The following DOCK9 variants were observed in gnomAD, a reference collection of about 807,000 sequenced individuals.
The protein encoded by DOCK9 is dedicator of cytokinesis 9.
In DOCK9, 89 loss-of-function variants were observed where a neutral mutation model predicts 263.3. The observed-to-expected ratio is 0.34, with a 90% CI of 0.28 to 0.40. The LOEUF is 0.40. Ranked by LOEUF, DOCK9 falls within the 10% of genes least tolerant of loss-of-function variation. The probability of loss-of-function intolerance (pLI) is 1.00; values close to 1 mark genes in which losing one functional copy is unlikely to be tolerated. For missense variants in DOCK9, 2,140 were observed against 2,603.4 expected (o/e 0.82, Z 3.87); for synonymous variants, 976 against 973.1 (o/e 1.00, Z -0.06).
At chr13:99,050,427 G>A (rs2040634568) in intron 1 of DOCK9, among the ~76,000 whole-genome samples, 1 of 152,220 alleles carries the variant, frequency 6.6e-6, no homozygotes. Context: ...GGGCGCAGTG[G>A]CTCATGCCTG....
At chr13:98,975,659 C>G (rs372964489) in intron 1 of DOCK9, among the ~76,000 whole-genome samples, 1 of 152,166 alleles carries the variant, frequency 6.6e-6, no homozygotes, top group South Asian at 2.1e-4. Flanking sequence ...CTATACTACA[C>G]GCATTAATTA....
At chr13:99,049,321 T>C (rs1331226956) in intron 1 of DOCK9, among the ~76,000 whole-genome samples, 2 of 152,206 alleles carry the variant, frequency 1.3e-5, no homozygotes, top group Admixed American at 6.5e-5. Flanking sequence ...AGGCTGCTCC[T>C]TGGACAGGGG....
intron 1 of DOCK9, among the ~76,000 whole-genome samples, chr13:98,987,611 C>CT (rs1173917569): frequency 1.3e-5 from 2 of 152,226 alleles, no homozygotes; most frequent in Non-Finnish European, 2.9e-5. Context: ...GAAGTCAATA[C>CT]TTTTTTATTA....
intron 27 of DOCK9, among the ~76,000 whole-genome samples, chr13:98,876,341 A>G (rs1477961548): frequency 6.6e-6 from 1 of 152,148 alleles, no homozygotes; most frequent in Non-Finnish European, 1.5e-5. Context: ...AAAATATAAA[A>G]TTAGCTGGGC....
intron 7 of DOCK9, among the ~76,000 whole-genome samples, chr13:98,919,475 A>C (rs891305820): frequency 7.2e-5 from 11 of 152,240 alleles, no homozygotes; most frequent in African/African-American, 2.2e-4. Context: ...ATATGTAACA[A>C]GTATACCTTT....
Position 99,029,973 on chromosome 13 carries a change from G to A in DOCK9, c.129+56250C>T, listed in dbSNP as rs1317509512. On this transcript the variant is annotated intron_variant, in intron 1 of 32. Transcript: ENST00000427887. ...CTATTTGGCAATAAAAAGGAATGAA[G>A]TACTGATACATGCTACAAGCACAGA... Among the ~76,000 whole-genome samples, 9 of 152,334 alleles carry A rather than the reference G, an allele frequency of 5.9e-5. No individual in the cohort carries two copies. The East Asian group carries it at 1.5e-3, about 26-fold the overall frequency.
chr13:98,937,313 G>A (rs1397349708), intron 2 of DOCK9, among the ~76,000 whole-genome samples: 1 of 151,886 alleles, frequency 6.6e-6, no homozygotes, highest in Non-Finnish European at 1.5e-5. Flanking sequence ...AATCTTCACA[G>A]CACAAACATA....
intron 35 of DOCK9, among the ~76,000 whole-genome samples, chr13:98,851,292 C>T (rs148769932): frequency 2.6e-5 from 4 of 152,304 alleles, no homozygotes; most frequent in African/African-American, 7.2e-5. Context: ...TTCTAAAGGC[C>T]GCTTGGCCTA....
chr13:99,025,258 CTAT>C (rs1886577349), intron 1 of DOCK9: 3 of 152,278 alleles, frequency 2.0e-5, no homozygotes, highest in African/African-American at 7.2e-5. Context: ...ACCACATATA[CTAT>C]TATAAAATTG....
At chr13:98,939,912 T>C (rs2055535893) in intron 2 of DOCK9, among the ~76,000 whole-genome samples, 1 of 152,252 alleles carries the variant, frequency 6.6e-6, no homozygotes, top group African/African-American at 2.4e-5. Flanking sequence ...TATGTCCCTT[T>C]GATATCTGCT....
At chr13:98,890,051 T>C (rs1319383991) in intron 15 of DOCK9, among the ~76,000 whole-genome samples, 1 of 152,244 alleles carries the variant, frequency 6.6e-6, no homozygotes, top group Non-Finnish European at 1.5e-5. Context: ...CAGAAGAGAA[T>C]TTAATTTTTG....
chr13:98,885,305 A>G (rs2045512359), intron 20 of DOCK9: 1 of 668,546 alleles, frequency 1.5e-6, no homozygotes, highest in Non-Finnish European at 2.4e-6. Context: ...CTTCTTTTAT[A>G]AAAATGTACA....
chr13:99,051,855 C>CAAAAAAAAAAAAAAAA (rs11392986), intron 1 of DOCK9, among the ~76,000 whole-genome samples: 10 of 106,056 alleles, frequency 9.4e-5, no homozygotes, highest in African/African-American at 1.8e-4. Flanking sequence ...CCACTAGTGG[C>CAAAAAAAAAAAAAAAA]AAAAAAAAAA....
intron 15 of DOCK9, among the ~76,000 whole-genome samples, chr13:98,893,999 G>A (rs9584962): frequency 0.13 from 19,591 of 152,188 alleles, 1,363 homozygotes; most frequent in South Asian, 0.2. Flanking sequence ...CATGCATGAA[G>A]AAGTGGTGTG....
intron 52 of DOCK9, among the ~76,000 whole-genome samples, chr13:98,796,392 A>G (rs558004912): frequency 1.5e-3 from 233 of 152,310 alleles, no homozygotes; most frequent in Non-Finnish European, 2.2e-3. Flanking sequence ...CAGACAGAGC[A>G]GTTCTGTGTT....
At chr13:99,026,762 AG>A (rs747761893) in intron 1 of DOCK9, among the ~76,000 whole-genome samples, 1 of 152,232 alleles carries the variant, frequency 6.6e-6, no homozygotes, top group African/African-American at 2.4e-5. Context: ...AAAGGTTAAC[AG>A]GAGATATGAA....
intron 49 of DOCK9, among the ~76,000 whole-genome samples, chr13:98,802,242 G>C (rs1360013209): frequency 6.6e-6 from 1 of 152,208 alleles, no homozygotes; most frequent in Non-Finnish European, 1.5e-5. Flanking sequence ...TTTATCATCT[G>C]TCTCCTCTGG....
At position 98,805,415 on chromosome 13, in the gene DOCK9, G is replaced by T. The variant is rs1249312413; in HGVS notation, c.5515-206C>A. Among the ~76,000 whole-genome samples, 5 of 152,086 alleles carry T rather than the reference G, an allele frequency of 3.3e-5. 1 individual carries two copies. Among genetic ancestry groups the T allele is most frequent in the African/African-American group, 7.2e-5 (3 of 41,422 alleles). On this transcript the variant is annotated intron_variant, in intron 48 of 52. Coordinates refer to ENST00000682017, the MANE Select transcript of DOCK9 (RefSeq NM_001366683.2). ...TATACATACACATACACTTATGGAT[G>T]TGCACACACACACAGACATACAGAC...
Position 98,966,426 on chromosome 13 carries a change from GAAAT to G in DOCK9, c.127-10879_127-10876del, listed in dbSNP as rs1416328770. Among the ~76,000 whole-genome samples the G allele has an allele frequency of 1.8e-4, 27 of 152,254 alleles. No individual in the cohort carries two copies. In the East Asian group the frequency reaches 5.2e-3, roughly 29 times the overall value. ...CTGCCTATTTTTTCACATGTGGAAA[GAAAT>G]AAAATCAAAAAAGAAAAAGATGTGC... On this transcript the variant is annotated intron_variant, in intron 1 of 52. Transcript: ENST00000682017.
Sources: allele counts gnomAD v4.1 joint callset (sites outside exome capture counted in the v4.1 genomes callset), GRCh38; gene constraint gnomAD v4.1.1; transcripts MANE v1.5; gene names NCBI Gene and HGNC (gene_info 2026-07-23, HGNC 2026-07-21).